Variants in ANKS6 observed in about 807,000 individuals in gnomAD.
ANKS6 encodes ankyrin repeat and sterile alpha motif domain containing 6, also known as ankyrin repeat and SAM domain-containing protein 6.
Under a neutral mutation model 77.9 loss-of-function variants are expected in ANKS6, and 47 were observed. That is an observed-to-expected ratio of 0.60 (90% CI 0.48 to 0.77). ANKS6 has a LOEUF of 0.77. Among genes scored for constraint, ANKS6 ranks in the 30% least tolerant of loss-of-function variants. The pLI, the probability that ANKS6 is intolerant of heterozygous loss-of-function variation, is 0.00. For missense variants in ANKS6, 1,150 were observed against 1,159.1 expected (o/e 0.99, Z 0.11); for synonymous variants, 488 against 501.7 (o/e 0.97, Z 0.37).
chr9:98,789,977 A>C (rs1294807505), intron 2 of ANKS6, 127 bp downstream of exon 2: 1 of 1,313,902 alleles, frequency 7.6e-7, no homozygotes. Context: ...CCACTTCCTC[A>C]GTCTCAGTGG....
chr9:98,744,713 G>GA (rs144493044), intron 14 of ANKS6, among the ~76,000 whole-genome samples: 8,377 of 151,358 alleles, frequency 0.055, 617 homozygotes, highest in African/African-American at 0.18. Flanking sequence ...AACAAAAAAA[G>GA]AAAAAAAAGA....
chr9:98,772,833 C>T (rs1833713037), intron 9 of ANKS6, among the ~76,000 whole-genome samples: 1 of 152,220 alleles, frequency 6.6e-6, no homozygotes, highest in Admixed American at 6.5e-5. Context: ...TGCCCTACCA[C>T]ACACGGTCAC....
At chr9:98,767,122 G>C (rs577518334) in intron 11 of ANKS6, among the ~76,000 whole-genome samples, 1 of 152,158 alleles carries the variant, frequency 6.6e-6, no homozygotes, top group Non-Finnish European at 1.5e-5. Flanking sequence ...TTCCAGGAAG[G>C]CATCTAGGTT....
Position 98,780,280 on chromosome 9 carries a change from C to T in ANKS6, c.1277G>A (p.Gly426Asp). The change falls in exon 6 of 15, where the codon GGC (glycine) becomes GAC (aspartate). Residue 426 changes from glycine (G) to aspartate (D), a missense_variant. Transcript: ENST00000353234. ...SVCMQVNKDK[G>D]RPSHQPPLPH... ...CAGGGGAGGCTGGTGGCTCGGCCGG[C>T]CTTTGTCTTTATTCACCTGCATGCA... 1 of 1,611,470 alleles carries T rather than the reference C, an allele frequency of 6.2e-7. No individual in the cohort carries two copies. The highest frequency in any genetic ancestry group is 8.5e-7 in the Non-Finnish European group (1 of 1,178,922).
intron 14 of ANKS6, among the ~76,000 whole-genome samples, chr9:98,741,323 G>A (rs1487166257): frequency 6.6e-6 from 1 of 152,148 alleles, no homozygotes; most frequent in East Asian, 1.9e-4. Context: ...GTGTGGTGAT[G>A]GGTGCTTATA....
intron 11 of ANKS6, among the ~76,000 whole-genome samples, chr9:98,765,658 G>A (rs888192107): frequency 2.0e-5 from 3 of 152,154 alleles, no homozygotes; most frequent in Non-Finnish European, 4.4e-5. Context: ...CTTTAAGGTA[G>A]GAATAGAAAG....
Position 98,756,146 on chromosome 9 carries a change from G to A in ANKS6, c.2326+274C>T, listed in dbSNP as rs184598995. 2.1e-3 allele frequency among the ~76,000 whole-genome samples: 326 copies of A among 152,218 alleles called. 8 individuals carry two copies. Among genetic ancestry groups the A allele is most frequent in the Admixed American group, 1.2e-3 (19 of 15,288 alleles). On this transcript the variant is annotated intron_variant, in intron 12 of 14. Coordinates refer to ENST00000353234, the MANE Select transcript of ANKS6 (RefSeq NM_173551.5). ...TACAGGGTCCAGGGAAAGTAAGTTC[G>A]TGTTGGAGAAGCACTTCCATGGGTG...
intron 8 of ANKS6, among the ~76,000 whole-genome samples, chr9:98,774,642 C>T (rs1042799753): frequency 1.3e-5 from 2 of 152,200 alleles, no homozygotes; most frequent in African/African-American, 4.8e-5. Flanking sequence ...CTCAGCACCA[C>T]TCTCTTCCCC....
rs146777823 is a variant in ANKS6, at chr9:98,734,462, G to A, written c.*2057C>T. The A allele has an allele frequency of 2.4e-5, 24 of 985,388 alleles. No individual in the cohort carries two copies. The East Asian group carries it at 1.0e-3, about 42-fold the overall frequency. The allele number at this position is 985,388 out of a possible 1,614,324, so 61.0% of individuals were successfully genotyped here. A position where few individuals can be genotyped will look rare whatever the true frequency, so the allele number is the denominator to read the frequency against. ...GGCACAAAACCTCAAAGCACATAAC[G>A]TCAGGGGCCATGAATTTCAGAGGCA... On this transcript the variant is annotated 3_prime_UTR_variant, in exon 15 of 15. Transcript: ENST00000353234.
chr9:98,768,242 T>C lies in ANKS6; in HGVS notation c.1981A>G (p.Ile661Val). 1 of 1,613,860 alleles carries C rather than the reference T, an allele frequency of 6.2e-7. No individual in the cohort carries two copies. The highest frequency in any genetic ancestry group is 2.2e-5 in the East Asian group (1 of 44,894). ...GELLNRSGGS[I>V]DNVLSQIAAQ... ...GCGATTTGGGACAAGACATTGTCTA[T>C]GCTGCCACCTGAGGAAACACAAAAT... Residue 661 changes from isoleucine (I) to valine (V), a missense_variant, in exon 11 of 15, where the codon ATA becomes GTA. Physicochemically the swap from Ile to Val is conservative, Grantham distance 29. Coordinates refer to ENST00000353234, the MANE Select transcript of ANKS6 (RefSeq NM_173551.5).
intron 11 of ANKS6, among the ~76,000 whole-genome samples, chr9:98,759,400 T>C (rs938098303): frequency 6.6e-6 from 1 of 152,244 alleles, no homozygotes; most frequent in South Asian, 2.1e-4. Flanking sequence ...GGACACCAGC[T>C]AAGTATCCTC....
At position 98,732,338 on chromosome 9, in the gene ANKS6, G is replaced by A. The variant is rs1286143924; in HGVS notation, c.*4181C>T. On this transcript the variant is annotated 3_prime_UTR_variant, in exon 15 of 15. Transcript: ENST00000353234. ...CGAGTTCCCTGCCCCCTTTTTACCCGCTGGATCAGCTTCTACGACTTGGTC... is the reference window on the plus strand; with the variant it reads ...CGAGTTCCCTGCCCCCTTTTTACCCACTGGATCAGCTTCTACGACTTGGTC... The A allele has an allele frequency of 1.1e-5, 9 of 805,898 alleles. No homozygotes were observed. The highest frequency in any genetic ancestry group is 2.8e-5 in the Admixed American group (1 of 35,662). The allele number at this position is 805,898 out of a possible 1,614,324, so 49.9% of individuals were successfully genotyped here.
chr9:98,795,956 CAA>C (rs1426534469), intron 1 of ANKS6, 175 bp downstream of exon 1: 4 of 626,380 alleles, frequency 6.4e-6, no homozygotes, highest in Non-Finnish European at 9.2e-6. Context: ...TATGTTAATT[CAA>C]AAGTGTTTCC....
rs1834906731 is a variant in ANKS6 at position 98,791,611 on chromosome 9, A to T, written c.360-1005T>A. Among the ~76,000 whole-genome samples the T allele has an allele frequency of 6.6e-6, 1 of 152,132 alleles. No homozygotes were observed. The highest frequency in any genetic ancestry group is 2.4e-5 in the African/African-American group (1 of 41,428). ...AGCGGCCCTGGACTAACAAGAAAAC[A>T]ATGACAAGACAGGGGCTGTCTACTC... On this transcript the variant is annotated intron_variant, in intron 1 of 14. Transcript: ENST00000353234. This position sits in a 1 kb window ranked among gnomAD's most constrained non-coding sequence, Gnocchi z 4.3.
chr9:98,736,704 T>C, intron 14 of ANKS6, 81 bp from the exon 15 acceptor site: 5 of 1,491,836 alleles, frequency 3.4e-6, no homozygotes, highest in South Asian at 2.4e-5. Flanking sequence ...GTGTTGTTAA[T>C]GTTCAACTCA....
chr9:98,784,944 G>A (rs995377195), intron 2 of ANKS6, 68 bp from the exon 3 acceptor site: 50 of 1,393,488 alleles, frequency 3.6e-5, no homozygotes, highest in Non-Finnish European at 4.8e-5. Flanking sequence ...TCACAAGGGT[G>A]TAACAACACA....
In ANKS6 at chr9:98,777,577, T is replaced by A. The variant is rs1465514297; in HGVS notation, c.1568-123A>T. 4 of 804,496 alleles carry A rather than the reference T, an allele frequency of 5.0e-6. No individual in the cohort carries two copies. In the South Asian group the frequency reaches 6.6e-5, roughly 13 times the overall value. 49.8% of individuals were successfully genotyped at this position (804,496 alleles called of 1,614,324 possible). ...TCCTGGGTGCTTAAATATTTAATAA[T>A]AATTGGTATTCGATATTTTAATAGA... On this transcript the variant is annotated intron_variant, in intron 7 of 14. Transcript: ENST00000353234.
chr9:98,756,912 T>C (rs1588351881), intron 11 of ANKS6, among the ~76,000 whole-genome samples: 1 of 151,358 alleles, frequency 6.6e-6, no homozygotes, highest in Admixed American at 6.6e-5. Context: ...ACTTGCATTG[T>C]GGCTTTGGCC....
intron 8 of ANKS6, among the ~76,000 whole-genome samples, chr9:98,774,601 A>C (rs1833825261): frequency 6.6e-6 from 1 of 152,184 alleles, no homozygotes. Context: ...TTGGGAGTGA[A>C]GAAGGAAGCA....
Sources: gnomAD v4.1 joint callset for allele counts (sites outside exome capture counted in the v4.1 genomes callset) on GRCh38, gnomAD v4.1.1 for gene constraint, Gnocchi (gnomAD v3.1) non-coding constraint, MANE v1.5 for transcripts, NCBI Gene and HGNC (gene_info 2026-07-23, HGNC 2026-07-21) for gene names.